THAP4: variants seen among roughly 807,000 people sequenced by gnomAD.
The protein encoded by THAP4 is THAP domain containing 4.
Under a neutral mutation model 48.1 loss-of-function variants are expected in THAP4, and 18 were observed. That is an observed-to-expected ratio of 0.37 (90% confidence interval 0.26 to 0.56). The LOEUF (loss-of-function observed/expected upper bound fraction) is 0.56. Ranked by LOEUF, THAP4 falls within the 20% of genes least tolerant of loss-of-function variation. The pLI, the probability that THAP4 is intolerant of heterozygous loss-of-function variation, is 0.78. For missense variants in THAP4, 656 were observed against 774.9 expected (o/e 0.85, Z 1.82); for synonymous variants, 345 against 324.9 (o/e 1.06, Z -0.66).
intron 5 of THAP4, among the ~76,000 whole-genome samples, chr2:241,599,899 T>C (rs967768578): frequency 6.6e-6 from 1 of 152,058 alleles, no homozygotes; most frequent in African/African-American, 2.4e-5. Context: ...GGTAAGGAAG[T>C]GGACAAGCAG....
intron 5 of THAP4, among the ~76,000 whole-genome samples, chr2:241,600,404 T>C (rs975490547): frequency 6.6e-6 from 1 of 151,826 alleles, no homozygotes; most frequent in Non-Finnish European, 1.5e-5. Flanking sequence ...TAGGTGGTAA[T>C]GTAAAAAGGA....
At chr2:241,611,808 C>CT (rs1458549264) in intron 2 of THAP4, among the ~76,000 whole-genome samples, 1 of 151,932 alleles carries the variant, frequency 6.6e-6, no homozygotes, top group African/African-American at 2.4e-5. Flanking sequence ...CTAATGGACT[C>CT]TAAGACACTG....
chr2:241,625,985 T>C (rs1052869332), intron 2 of THAP4, among the ~76,000 whole-genome samples: 3 of 152,130 alleles, frequency 2.0e-5, no homozygotes, highest in African/African-American at 7.2e-5. Flanking sequence ...TGCTCTAAAA[T>C]TGATTAACGT....
chr2:241,596,195 CA>C (rs2067044299), intron 5 of THAP4, among the ~76,000 whole-genome samples: 1 of 152,064 alleles, frequency 6.6e-6, no homozygotes. Flanking sequence ...AACAAACAAA[CA>C]AACAAACATA....
chr2:241,594,782 A>G, intron 5 of THAP4: 1 of 159,678 alleles, frequency 6.3e-6, no homozygotes, highest in Non-Finnish European at 1.4e-5. Context: ...AATCAAAAAC[A>G]AACAAAAAAA....
Position 241,601,977 on chromosome 2 carries a change from G to A in THAP4, c.1533C>T (p.Gly511=), listed in dbSNP as rs764926525. 124 of 1,611,992 alleles carry A rather than the reference G, an allele frequency of 7.7e-5. No individual in the cohort carries two copies. The highest frequency in any genetic ancestry group is 6.4e-4 in the Middle Eastern group (3 of 4,712). The change falls in exon 5 of 6, where the codon GGC becomes GGT. Residue 511 remains glycine, a synonymous_variant. Coordinates refer to ENST00000407315, the MANE Select transcript of THAP4 (RefSeq NM_015963.6). The surrounding 1 kb of genome is among the most constrained non-coding windows in gnomAD (Gnocchi z 4.0). ...TGCACAGCTCCTGCCCGTTCACCTC[G>A]CCCTCCTCCACTTCCACCACGCCTG... ...QNTGVVEVEE[G]EVNGQELCIA...
intron 5 of THAP4, among the ~76,000 whole-genome samples, chr2:241,590,091 C>A (rs1218307953): frequency 3.3e-5 from 5 of 151,090 alleles, no homozygotes; most frequent in Non-Finnish European, 7.4e-5. Flanking sequence ...CTAGGACACG[C>A]AGAGCTGCTC....
In THAP4 at chr2:241,598,295, C is replaced by A. The variant is rs1014342509; in HGVS notation, c.1614+3601G>T. The stretch of plus-strand genomic sequence containing the variant: ...GAGAGGCCGACCAACTCCCACGGGG[C>A]CACCCTTTGCCAGAGAACATTTGCA... On this transcript the variant is annotated intron_variant, in intron 5 of 5. Coordinates refer to ENST00000407315, the MANE Select transcript of THAP4 (RefSeq NM_015963.6). 2.0e-5 allele frequency among the ~76,000 whole-genome samples: 3 copies of A among 152,198 alleles called. No homozygotes were observed. In the South Asian group the frequency reaches 6.2e-4, roughly 32 times the overall value.
In THAP4 at chr2:241,612,273, G is replaced by A; in HGVS notation, c.1241-5800C>T. Among the ~76,000 whole-genome samples, 1 of 152,180 alleles carries A rather than the reference G, an allele frequency of 6.6e-6. No homozygotes were observed. Among genetic ancestry groups the A allele is most frequent in the East Asian group, 1.9e-4 (1 of 5,200 alleles). On this transcript the variant is annotated intron_variant, in intron 2 of 5. Coordinates refer to ENST00000407315, the MANE Select transcript of THAP4 (RefSeq NM_015963.6). This position sits in a 1 kb window ranked among gnomAD's most constrained non-coding sequence, Gnocchi z 4.1. ...AAATGAGTTAAAAAAAAAGACAAAA[G>A]ATAGAGAAATGGAAACAAAGTTAGA...
intron 2 of THAP4, among the ~76,000 whole-genome samples, chr2:241,617,240 T>G (rs1249022071): frequency 1.3e-5 from 2 of 152,240 alleles, no homozygotes; most frequent in African/African-American, 4.8e-5. Context: ...CTAGTCTATT[T>G]GTCACTTTCC....
intron 2 of THAP4, among the ~76,000 whole-genome samples, chr2:241,617,050 T>TG (rs978403076): frequency 6.6e-6 from 1 of 151,988 alleles, no homozygotes; most frequent in Non-Finnish European, 1.5e-5. Flanking sequence ...GAAGCATGGG[T>TG]GGGGGTGAGG....
intron 2 of THAP4, among the ~76,000 whole-genome samples, chr2:241,611,102 G>A (rs2067267371): frequency 6.6e-6 from 1 of 152,156 alleles, no homozygotes; most frequent in Non-Finnish European, 1.5e-5. Flanking sequence ...ACACACATAC[G>A]GATGCTGTGA....
At chr2:241,591,256 C>G (rs1300996097) in intron 5 of THAP4, among the ~76,000 whole-genome samples, 1 of 152,260 alleles carries the variant, frequency 6.6e-6, no homozygotes, top group Non-Finnish European at 1.5e-5. Flanking sequence ...CTAGGACACT[C>G]AGAGCTGCTC....
chr2:241,590,069 C>T (rs62192972), intron 5 of THAP4, among the ~76,000 whole-genome samples: 51 of 65,824 alleles, frequency 7.7e-4, no homozygotes, highest in East Asian at 1.4e-3. Flanking sequence ...GCTCGGCTGA[C>T]GATGATGGGC....
chr2:241,627,647 C>G (rs2067510139), intron 2 of THAP4, among the ~76,000 whole-genome samples: 1 of 152,172 alleles, frequency 6.6e-6, no homozygotes, highest in East Asian at 1.9e-4. Context: ...CACATAAATC[C>G]CTAAAGAATG....
intron 5 of THAP4, among the ~76,000 whole-genome samples, chr2:241,597,491 C>T (rs1023088945): frequency 1.3e-5 from 2 of 152,174 alleles, no homozygotes; most frequent in African/African-American, 4.8e-5. Flanking sequence ...ACAAGGAAGA[C>T]ACATTTCCCC....
In THAP4 at chr2:241,633,212, G is replaced by C. The variant is rs143326187; in HGVS notation, c.945C>G (p.Ala315=). The change falls in exon 2 of 6, where the codon GCC becomes GCG. Residue 315 remains alanine (A), a synonymous_variant. Transcript: ENST00000407315. This position sits in a 1 kb window ranked among gnomAD's most constrained non-coding sequence, Gnocchi z 7.5. ...ADVTPKPATE[A]VQSEHSDASP... ...TGGCGTCGCTGTGCTCGCTCTGCAC[G>C]GCTTCCGTGGCTGGCTTTGGGGTGA... 10 of 1,609,426 alleles carry C rather than the reference G, an allele frequency of 6.2e-6. No individual in the cohort carries two copies. Among genetic ancestry groups the C allele is most frequent in the Non-Finnish European group, 2.5e-6 (3 of 1,177,454 alleles).
intron 5 of THAP4, among the ~76,000 whole-genome samples, chr2:241,593,572 T>G (rs1317541428): frequency 2.1e-5 from 3 of 145,022 alleles, no homozygotes; most frequent in Non-Finnish European, 4.5e-5. Flanking sequence ...ACAGCCTGCC[T>G]TAACACCCCA....
At chr2:241,598,779 G>A (rs2067079525) in intron 5 of THAP4, among the ~76,000 whole-genome samples, 1 of 151,990 alleles carries the variant, frequency 6.6e-6, no homozygotes, top group Non-Finnish European at 1.5e-5. Flanking sequence ...GAAGACAAGG[G>A]GGAAAAACAG....
Sources: allele counts gnomAD v4.1 joint callset (sites outside exome capture counted in the v4.1 genomes callset), GRCh38; gene constraint gnomAD v4.1.1; non-coding constraint Gnocchi (gnomAD v3.1); transcripts MANE v1.5; gene names NCBI Gene and HGNC (gene_info 2026-07-23, HGNC 2026-07-21).